OTOF: variants seen among roughly 807,000 people sequenced by gnomAD.
The protein encoded by OTOF is otoferlin, also known as fer-1-like family member 2.
OTOF carries 218 observed loss-of-function variants against 236.8 expected under a neutral mutation model. That is an observed-to-expected ratio of 0.92 (90% CI 0.82 to 1.03). The LOEUF (loss-of-function observed/expected upper bound fraction) is 1.03. OTOF is among the 50% of genes least tolerant of loss of function. The pLI is 0.00. For missense variants in OTOF, 2,590 were observed against 2,694.4 expected, an observed-to-expected ratio of 0.96 and a Z score of 0.86; for synonymous variants, 1,041 against 1,072.5, an observed-to-expected ratio of 0.97 and a Z score of 0.57.
In OTOF at chr2:26,477,587, C is replaced by T. The variant is rs913690767; in HGVS notation, c.2315+62G>A. On this transcript the variant is annotated intron_variant, in intron 19 of 46. Transcript: ENST00000272371. The surrounding 1 kb of genome is among the most constrained non-coding windows in gnomAD (Gnocchi z 4.7). ...TTCTTCCTCATCTGCCCAGCCCTGGCAGGGTCCCCTTTGTCCAGTTCCGCC... is the reference window on the plus strand; with the variant it reads ...TTCTTCCTCATCTGCCCAGCCCTGGTAGGGTCCCCTTTGTCCAGTTCCGCC... The T allele has an allele frequency of 6.2e-7, 1 of 1,604,292 alleles. No homozygotes were observed. Among genetic ancestry groups the T allele is most frequent in the Non-Finnish European group, 8.5e-7 (1 of 1,174,528 alleles).
In OTOF at chr2:26,473,307, C is replaced by T. The variant is rs765750776; in HGVS notation, c.3571-13G>A. On this transcript the variant is annotated splice_polypyrimidine_tract_variant and intron_variant, in intron 28 of 46. Coordinates refer to ENST00000272371, the MANE Select transcript of OTOF (RefSeq NM_194248.3). The surrounding 1 kb of genome is among the most constrained non-coding windows in gnomAD (Gnocchi z 7.2). The stretch of plus-strand genomic sequence containing the variant: ...TCTCTGGGAGGTCCTGGGGTGTTGG[C>T]GACAGGAGCCTGAGCCTCCAAGAAG... 6.8e-6 allele frequency: 11 copies of T among 1,612,944 alleles called. No individual in the cohort carries two copies. The highest frequency in any genetic ancestry group is 1.1e-5 in the South Asian group (1 of 91,070).
chr2:26,518,960 C>T, intron 4 of OTOF, 50 bp downstream of exon 4: 1 of 1,303,304 alleles, frequency 7.7e-7, no homozygotes, highest in Non-Finnish European at 1.1e-6. Context: ...GAACAGACCC[C>T]CAGATGGCCC....
rs186890460 is a variant in OTOF, at chr2:26,519,006, C to T, written c.327+4G>A. 1.9e-6 allele frequency: 3 copies of T among 1,600,662 alleles called. No individual in the cohort carries two copies. The highest frequency in any genetic ancestry group is 2.6e-6 in the Non-Finnish European group (3 of 1,170,410). ...AGTCCAGGAACTCCGTGGGGCATAC[C>T]CACCTTGATGATAGCATTGTTGTCA... On this transcript the variant is annotated splice_donor_region_variant and intron_variant, in intron 4 of 46. Coordinates refer to ENST00000272371, the MANE Select transcript of OTOF (RefSeq NM_194248.3).
chr2:26,480,671 T>C, intron 15 of OTOF, 115 bp downstream of exon 15: 1 of 842,128 alleles, frequency 1.2e-6, no homozygotes, highest in Non-Finnish European at 2.0e-6. Flanking sequence ...TATCCTGAGG[T>C]ATGACTCCTC....
At chr2:26,536,568 C>T (rs752335787) in intron 2 of OTOF, among the ~76,000 whole-genome samples, 17 of 152,052 alleles carry the variant, frequency 1.1e-4, no homozygotes, top group Admixed American at 2.0e-4. Context: ...TGGACACAGC[C>T]ACATCGTGTG....
chr2:26,463,038 G>A (rs1443232696), intron 41 of OTOF, among the ~76,000 whole-genome samples: 1 of 152,204 alleles, frequency 6.6e-6, no homozygotes, highest in Non-Finnish European at 1.5e-5. Context: ...CATCACACTA[G>A]CCTGGATGTG....
At position 26,514,601 on chromosome 2, in the gene OTOF, A is replaced by G. The variant is rs531576648; in HGVS notation, c.509+1817T>C. ...GTTGTTTCCCATGGATGTGACCCACAGGTCCGGAGCATCCATGGGTCCCTT... is the reference window on the plus strand; with the variant it reads ...GTTGTTTCCCATGGATGTGACCCACGGGTCCGGAGCATCCATGGGTCCCTT... On this transcript the variant is annotated intron_variant, in intron 5 of 46. Transcript: ENST00000272371. Among the ~76,000 whole-genome samples, 7 of 152,362 alleles carry G rather than the reference A, an allele frequency of 4.6e-5. No homozygotes were observed. The South Asian group carries it at 1.4e-3, about 32-fold the overall frequency.
Position 26,499,700 on chromosome 2 carries a change from G to A in OTOF, c.765+2054C>T, listed in dbSNP as rs574997956. ...TAATTTTTGTATTTTTAGTAGAGAC[G>A]GGGTTTCACCATGTTGGCCAGGCTG... On this transcript the variant is annotated intron_variant, in intron 8 of 46. Coordinates refer to ENST00000272371, the MANE Select transcript of OTOF (RefSeq NM_194248.3). Among the ~76,000 whole-genome samples, 274 of 152,054 alleles carry A rather than the reference G, an allele frequency of 1.8e-3. 1 individual carries two copies. The highest frequency in any genetic ancestry group is 2.3e-3 in the Non-Finnish European group (156 of 67,996).
At chr2:26,551,068 C>A (rs1395719241) in intron 1 of OTOF, among the ~76,000 whole-genome samples, 1 of 152,186 alleles carries the variant, frequency 6.6e-6, no homozygotes, top group East Asian at 1.9e-4. Context: ...CGGCTCACTG[C>A]AGCCTCTGCC....
Position 26,460,121 on chromosome 2 carries a change from GA to G in OTOF, c.5897del (p.Leu1966ProfsTer165). ...GCAGCAGGAGCAGCAACAGTTTGAGGAGCAGCCAGCGATACGTGTGCCACAA... is the reference window on the plus strand; with the variant it reads ...GCAGCAGGAGCAGCAACAGTTTGAGGGCAGCCAGCGATACGTGTGCCACAA... Reference protein sequence around the residue: ...YFLWHTYRWLLLKLLLLLLLL... With the variant: ...YFLWHTYRWLXLKLLLLLLLL... On this transcript the variant is annotated frameshift_variant, in exon 46 of 47. Coordinates refer to ENST00000272371, the MANE Select transcript of OTOF (RefSeq NM_194248.3). LOFTEE classifies it high-confidence loss of function. The surrounding 1 kb of genome is among the most constrained non-coding windows in gnomAD (Gnocchi z 5.3). 6.3e-7 allele frequency: 1 copy of G among 1,594,434 alleles called. No individual in the cohort carries two copies. The highest frequency in any genetic ancestry group is 1.3e-5 in the African/African-American group (1 of 74,786).
At chr2:26,517,245 T>G (rs1418998338) in intron 4 of OTOF, among the ~76,000 whole-genome samples, 1 of 89,032 alleles carries the variant, frequency 1.1e-5, no homozygotes, top group Non-Finnish European at 2.5e-5. Flanking sequence ...GCCATTACTT[T>G]CTTGCAGCTC....
At chr2:26,497,089 C>CTTTTTTTTTTTTTTT (rs201349303) in intron 8 of OTOF, among the ~76,000 whole-genome samples, 2 of 97,758 alleles carry the variant, frequency 2.0e-5, no homozygotes, top group Non-Finnish European at 4.4e-5. Flanking sequence ...GTACATTCTT[C>CTTTTTTTTTTTTTTT]TTTTTTTTTT....
In OTOF at chr2:26,477,777, G is replaced by A. The variant is rs988434276; in HGVS notation, c.2215-28C>T. ...GTGAATCAGGAGTGTGGGTGATGCT[G>A]GGCCACAGCCCCGCCTCCCCAGCCT... On this transcript the variant is annotated intron_variant, in intron 18 of 46. Transcript: ENST00000272371. The surrounding 1 kb of genome is among the most constrained non-coding windows in gnomAD (Gnocchi z 4.7). 6.2e-7 allele frequency: 1 copy of A among 1,611,700 alleles called. No individual in the cohort carries two copies. Among genetic ancestry groups the A allele is most frequent in the South Asian group, 1.1e-5 (1 of 90,910 alleles).
At chr2:26,537,939 C>A (rs1023147912) in intron 1 of OTOF, among the ~76,000 whole-genome samples, 165 bp from the exon 2 acceptor site, 1 of 152,170 alleles carries the variant, frequency 6.6e-6, no homozygotes, top group Non-Finnish European at 1.5e-5. Flanking sequence ...AGTCCCCATG[C>A]GGCTTCTTCT....
In OTOF at chr2:26,516,660, A is replaced by G. The variant is rs1655407285; in HGVS notation, c.328-61T>C. On this transcript the variant is annotated intron_variant, in intron 4 of 46. Transcript: ENST00000272371. ...GGTGACAGCAATCTCCACCCCGTAT[A>G]TGTGGCTGCTTGGTGGTGTTTACAC... 1.5e-5 allele frequency: 24 copies of G among 1,554,344 alleles called. No homozygotes were observed. The South Asian group carries it at 2.4e-4, about 16-fold the overall frequency.
At chr2:26,513,136 G>A (rs1344738480) in intron 5 of OTOF, among the ~76,000 whole-genome samples, 1 of 152,172 alleles carries the variant, frequency 6.6e-6, no homozygotes, top group Non-Finnish European at 1.5e-5. Flanking sequence ...AGTGGGCGGT[G>A]GGGTTGGTGG....
intron 8 of OTOF, among the ~76,000 whole-genome samples, chr2:26,496,894 T>A (rs1195713203): frequency 6.6e-6 from 1 of 152,026 alleles, no homozygotes; most frequent in Non-Finnish European, 1.5e-5. Flanking sequence ...TCAAAATGCA[T>A]CCTAAACAGC....
intron 1 of OTOF, among the ~76,000 whole-genome samples, chr2:26,547,497 T>G (rs1344152904): frequency 6.6e-6 from 1 of 152,248 alleles, no homozygotes; most frequent in Non-Finnish European, 1.5e-5. Flanking sequence ...CCTTCTCTAT[T>G]TTCTGAAAGA....
intron 38 of OTOF, 25 bp downstream of exon 38, chr2:26,465,647 G>T (rs114262011): frequency 1.9e-6 from 3 of 1,611,358 alleles, no homozygotes; most frequent in African/African-American, 2.7e-5. Flanking sequence ...CACTGCCCCC[G>T]CCCTCTGCCC....
Sources: allele counts gnomAD v4.1 joint callset (sites outside exome capture counted in the v4.1 genomes callset), GRCh38; gene constraint gnomAD v4.1.1; non-coding constraint Gnocchi (gnomAD v3.1); transcripts MANE v1.5; gene names NCBI Gene and HGNC (gene_info 2026-07-23, HGNC 2026-07-21).